ZNF680: variants seen among roughly 807,000 people sequenced by gnomAD.
The protein encoded by ZNF680 is zinc finger protein 680.
In ZNF680, 6 loss-of-function variants were observed where a neutral mutation model predicts 12.1. The ratio of observed to expected loss-of-function variants is 0.49; its 90% CI spans 0.27 to 0.98. The LOEUF (loss-of-function observed/expected upper bound fraction) is 0.98. ZNF680 is among the 50% of genes least tolerant of loss of function. The pLI, the probability that ZNF680 is intolerant of heterozygous loss-of-function variation, is 0.12. For missense variants in ZNF680, 561 were observed against 616.3 expected (o/e 0.91, Z 0.95); for synonymous variants, 170 against 199.3 (o/e 0.85, Z 1.24).
chr7:64,543,684 T>C (rs1293737887), intron 3 of ZNF680, 23 bp downstream of exon 3: 3 of 1,588,580 alleles, frequency 1.9e-6, no homozygotes, highest in Non-Finnish European at 2.6e-6. Context: ...TCATCTGTTG[T>C]ATTCACTATC....
intron 1 of ZNF680, among the ~76,000 whole-genome samples, chr7:64,550,163 G>C (rs914499687): frequency 4.5e-4 from 68 of 152,320 alleles, no homozygotes; most frequent in African/African-American, 1.5e-3. Flanking sequence ...AGAGTGGACT[G>C]ATACAAAGTT....
At chr7:64,561,934 C>CAAAAA (rs1187872173) in intron 1 of ZNF680, among the ~76,000 whole-genome samples, 8 of 80,300 alleles carry the variant, frequency 1.0e-4, no homozygotes, top group East Asian at 2.8e-4. Flanking sequence ...GACTCCGTCT[C>CAAAAA]AAAAAAAAAA....
intron 1 of ZNF680, among the ~76,000 whole-genome samples, chr7:64,546,340 C>A (rs1166248622): frequency 1.3e-5 from 2 of 152,154 alleles, no homozygotes; most frequent in African/African-American, 4.8e-5. Context: ...CCTGCTACCA[C>A]CACACCCACA....
At chr7:64,503,762 T>C in the ZNF680 span, among the ~76,000 whole-genome samples, 8 of 152,310 alleles carry the variant, frequency 5.3e-5, no homozygotes, top group East Asian at 1.5e-3. Context: ...CATCCTCCTT[T>C]TTCTTTAGCC....
At position 64,552,725 on chromosome 7, in the gene ZNF680, T is replaced by C. The variant is rs73357504; in HGVS notation, c.31-8293A>G. Among the ~76,000 whole-genome samples, 1,493 of 152,352 alleles carry C rather than the reference T, an allele frequency of 9.8e-3. 26 individuals carry two copies. Among genetic ancestry groups the C allele is most frequent in the African/African-American group, 0.034 (1,428 of 41,578 alleles). ...TTTAACCATAATTCAGTTAAAACAC[T>C]TTATATTTAAAAAGTAGAAATAACA... is the stretch of plus-strand genomic sequence containing the variant. On this transcript the variant is annotated intron_variant, in intron 1 of 3. Coordinates refer to ENST00000309683, the MANE Select transcript of ZNF680 (RefSeq NM_178558.5).
At chr7:64,508,856 G>A in the ZNF680 span, among the ~76,000 whole-genome samples, 1 of 152,162 alleles carries the variant, frequency 6.6e-6, no homozygotes, top group Non-Finnish European at 1.5e-5. Flanking sequence ...ATATAATCTT[G>A]TTGGGTAGAG....
chr7:64,545,433 T>A (rs1035957035), intron 1 of ZNF680, among the ~76,000 whole-genome samples: 114 of 152,280 alleles, frequency 7.5e-4, no homozygotes, highest in African/African-American at 2.0e-3. Context: ...TGCATAAAGA[T>A]ACTTACTAAT....
Position 64,523,891 on chromosome 7 carries a change from C to T in ZNF680, c.254-1391G>A, listed in dbSNP as rs1033320460. Among the ~76,000 whole-genome samples, 9 of 149,464 alleles carry T rather than the reference C, an allele frequency of 6.0e-5. No homozygotes were observed. The South Asian group carries it at 8.5e-4, about 14-fold the overall frequency. On this transcript the variant is annotated intron_variant, in intron 3 of 3. Transcript: ENST00000309683. ...TCGCGCCACTGCACTCCAGCCTGGG[C>T]GACAGAGCGAGACTCCATCTCAAAA...
chr7:64,518,020 G>A (rs192103338), downstream of ZNF680, among the ~76,000 whole-genome samples: 40 of 152,128 alleles, frequency 2.6e-4, no homozygotes, highest in African/African-American at 9.4e-4. Context: ...CTGAAAACAG[G>A]AACAACACCA....
At chr7:64,531,322 G>A (rs572951824) in intron 3 of ZNF680, among the ~76,000 whole-genome samples, 88 of 152,142 alleles carry the variant, frequency 5.8e-4, no homozygotes, top group Non-Finnish European at 8.2e-4. Context: ...TCAGCCGGGC[G>A]CAGTGACTCA....
At chr7:64,549,034 C>T (rs1283994120) in intron 1 of ZNF680, among the ~76,000 whole-genome samples, 2 of 151,452 alleles carry the variant, frequency 1.3e-5, no homozygotes, top group Non-Finnish European at 2.9e-5. Flanking sequence ...GCAGGAGAAT[C>T]GCTTGAACCC....
intron 1 of ZNF680, among the ~76,000 whole-genome samples, chr7:64,552,364 T>C (rs1352151012): frequency 6.6e-6 from 1 of 152,198 alleles, no homozygotes; most frequent in African/African-American, 2.4e-5. Flanking sequence ...CCACCAGCAC[T>C]TTTTGATGAA....
At chr7:64,500,826 T>A in the ZNF680 span, 3 of 395,142 alleles carry the variant, frequency 7.6e-6, no homozygotes, top group Admixed American at 6.0e-5. Flanking sequence ...TCAAACACAA[T>A]GGCCAGCAAT....
intron 3 of ZNF680, among the ~76,000 whole-genome samples, chr7:64,534,292 C>G (rs1342958341): frequency 6.6e-6 from 1 of 152,086 alleles, no homozygotes; most frequent in African/African-American, 2.4e-5. Context: ...TATCCAGAAT[C>G]TACAATGAAC....
rs536220333 is a variant in ZNF680, at chr7:64,553,118, C to G, written c.31-8686G>C. On this transcript the variant is annotated intron_variant, in intron 1 of 3. Transcript: ENST00000309683. ...CCAGCCTGGGGGACAAAGTAACACTCTATCTCAAAAAAAAAAAAAAAAAAG... is the reference window on the plus strand; with the variant it reads ...CCAGCCTGGGGGACAAAGTAACACTGTATCTCAAAAAAAAAAAAAAAAAAG... Among the ~76,000 whole-genome samples, 23 of 135,832 alleles carry G rather than the reference C, an allele frequency of 1.7e-4. No homozygotes were observed. The East Asian group carries it at 3.6e-3, about 21-fold the overall frequency. The allele number at this position is 135,832 out of a possible 152,430, so 89.1% of individuals were successfully genotyped here.
the ZNF680 span, among the ~76,000 whole-genome samples, chr7:64,505,639 T>C: frequency 1.4e-4 from 21 of 152,188 alleles, no homozygotes; most frequent in Admixed American, 4.6e-4. Context: ...TAAATGTCAT[T>C]CCATAGTGCC....
chr7:64,539,335 G>C (rs1379400611), intron 3 of ZNF680, among the ~76,000 whole-genome samples: 1 of 63,474 alleles, frequency 1.6e-5, no homozygotes, highest in Admixed American at 2.2e-4. Flanking sequence ...TGGGCAACAA[G>C]AGCAAAACTT....
At chr7:64,502,837 C>T in the ZNF680 span, among the ~76,000 whole-genome samples, 4 of 152,066 alleles carry the variant, frequency 2.6e-5, no homozygotes, top group African/African-American at 9.7e-5. Flanking sequence ...AGGTTGTACA[C>T]TAAAATTTCA....
At chr7:64,506,272 G>C in the ZNF680 span, among the ~76,000 whole-genome samples, 1 of 150,276 alleles carries the variant, frequency 6.7e-6, no homozygotes, top group Non-Finnish European at 1.5e-5. Flanking sequence ...GCGCCATCTC[G>C]GCTACTGCAA....
Sources: gnomAD v4.1 joint callset for allele counts (sites outside exome capture counted in the v4.1 genomes callset) on GRCh38, gnomAD v4.1.1 for gene constraint, MANE v1.5 for transcripts, NCBI Gene and HGNC (gene_info 2026-07-23, HGNC 2026-07-21) for gene names.